The following KCNIP4 variants were observed in gnomAD, a reference collection of about 807,000 sequenced individuals.
KCNIP4 encodes Kv channel-interacting protein 4.
Under a neutral mutation model 34.0 loss-of-function variants are expected in KCNIP4, and 12 were observed. The ratio of observed to expected loss-of-function variants is 0.35; its 90% confidence interval spans 0.23 to 0.57. The LOEUF is 0.57. Among genes scored for constraint, KCNIP4 ranks in the 20% least tolerant of loss-of-function variants. KCNIP4 has a pLI of 0.83. For missense variants in KCNIP4, 238 were observed against 311.7 expected (o/e 0.76, Z 1.78); for synonymous variants, 124 against 102.2 (o/e 1.21, Z -1.29).
intron 1 of KCNIP4, among the ~76,000 whole-genome samples, chr4:21,107,785 G>A (rs1748719834): frequency 6.6e-6 from 1 of 151,342 alleles, no homozygotes; most frequent in Admixed American, 6.6e-5. Flanking sequence ...GCTCTTTTAG[G>A]GCAGGCCTGG....
intron 1 of KCNIP4, among the ~76,000 whole-genome samples, chr4:21,265,559 T>A (rs1221747426): frequency 6.6e-6 from 1 of 152,152 alleles, no homozygotes; most frequent in Non-Finnish European, 1.5e-5. Context: ...TAATGAACTA[T>A]CACTGGAAAG....
At chr4:21,101,606 T>A (rs955433518) in intron 1 of KCNIP4, among the ~76,000 whole-genome samples, 2 of 152,128 alleles carry the variant, frequency 1.3e-5, no homozygotes, top group African/African-American at 2.4e-5. Context: ...AGAGTGTCAA[T>A]GGGAGTGACT....
intron 1 of KCNIP4, among the ~76,000 whole-genome samples, chr4:20,992,984 T>A (rs1737216805): frequency 7.7e-6 from 1 of 129,960 alleles, no homozygotes. Context: ...GCCGAGATCA[T>A]GCCACTGCAC....
At chr4:21,116,421 C>T (rs1438422845) in intron 1 of KCNIP4, among the ~76,000 whole-genome samples, 1 of 152,148 alleles carries the variant, frequency 6.6e-6, no homozygotes, top group South Asian at 2.1e-4. Context: ...CTTTTGCAGG[C>T]AGAGATCATC....
rs1006607540 is a variant in KCNIP4 at position 21,405,208 on chromosome 4, C to G, written c.62-522499G>C. Among the ~76,000 whole-genome samples, 12 of 152,210 alleles carry G rather than the reference C, an allele frequency of 7.9e-5. No individual in the cohort carries two copies. The East Asian group carries it at 1.7e-3, about 22-fold the overall frequency. ...TCCGTCCACTAACATGTCACCTAAC[C>G]CTGGCTCCTTAAATCTAAATCCCCA... is the stretch of plus-strand genomic sequence containing the variant. On this transcript the variant is annotated intron_variant, in intron 1 of 8. Coordinates refer to ENST00000382152, the MANE Select transcript of KCNIP4 (RefSeq NM_025221.6).
rs1560479390 is a variant in KCNIP4, at chr4:21,519,425, C to CATATGTGTGTATATGTATGTGTATATAT, written c.61+429145_61+429146insATATATACACATACATATACACACATAT. ...GTGTGTATATGTATGTGTATATATA[C>CATATGTGTGTATATGTATGTGTATATAT]ACATATGTGTGTATATGTATGTGTA... is the stretch of plus-strand genomic sequence containing the variant. On this transcript the variant is annotated intron_variant, in intron 1 of 8. Transcript: ENST00000382152. Among the ~76,000 whole-genome samples, 308 of 87,574 alleles carry CATATGTGTGTATATGTATGTGTATATAT rather than the reference C, an allele frequency of 3.5e-3. 25 individuals are homozygous for CATATGTGTGTATATGTATGTGTATATAT. The highest frequency in any genetic ancestry group is 5.8e-3 in the African/African-American group (164 of 28,094). The allele number at this position is 87,574 out of a possible 152,430, so 57.5% of individuals were successfully genotyped here.
chr4:21,070,382 G>A (rs1217089771), intron 1 of KCNIP4, among the ~76,000 whole-genome samples: 2 of 145,144 alleles, frequency 1.4e-5, no homozygotes, highest in Non-Finnish European at 3.1e-5. Context: ...GTAACTGTAT[G>A]TTTAGATTTT....
intron 1 of KCNIP4, among the ~76,000 whole-genome samples, chr4:21,881,993 G>C (rs1370066712): frequency 6.6e-6 from 1 of 152,092 alleles, no homozygotes; most frequent in Non-Finnish European, 1.5e-5. Context: ...ACACAAACTG[G>C]GAAGGATCAA....
chr4:21,708,704 A>G (rs1713481912), intron 1 of KCNIP4, among the ~76,000 whole-genome samples: 1 of 152,114 alleles, frequency 6.6e-6, no homozygotes, highest in Non-Finnish European at 1.5e-5. Flanking sequence ...CCTCATTTTC[A>G]GTTATATCAA....
At chr4:21,923,151 T>C (rs1729027565) in intron 1 of KCNIP4, among the ~76,000 whole-genome samples, 2 of 152,208 alleles carry the variant, frequency 1.3e-5, no homozygotes, top group African/African-American at 2.4e-5. Context: ...CCATGTCCCA[T>C]GGCTTCCCAT....
intron 1 of KCNIP4, among the ~76,000 whole-genome samples, chr4:21,934,916 AG>A (rs1236916512): frequency 2.0e-5 from 3 of 152,148 alleles, no homozygotes; most frequent in African/African-American, 7.2e-5. Flanking sequence ...GTATTCCTCT[AG>A]CACCCCAAAT....
chr4:20,904,038 G>A lies in KCNIP4; in HGVS notation c.62-21329C>T, dbSNP rs150722640. 2.9e-3 allele frequency among the ~76,000 whole-genome samples: 446 copies of A among 152,096 alleles called. 5 individuals carry two copies. Among genetic ancestry groups the A allele is most frequent in the African/African-American group, 0.01 (430 of 41,492 alleles). ...TAAAAGCAGTGTTTTAAAGAATGGC[G>A]TTTACCCACTGAGCTAATTTTCCTC... On this transcript the variant is annotated intron_variant, in intron 1 of 8. Coordinates refer to ENST00000382152, the MANE Select transcript of KCNIP4 (RefSeq NM_025221.6).
At chr4:21,396,596 A>G (rs959233605) in intron 1 of KCNIP4, among the ~76,000 whole-genome samples, 6 of 149,804 alleles carry the variant, frequency 4.0e-5, no homozygotes, top group Admixed American at 2.0e-4. Flanking sequence ...AAGTAGAGAG[A>G]TAAACTATCA....
chr4:21,312,632 T>C (rs546169785), intron 1 of KCNIP4, among the ~76,000 whole-genome samples: 1 of 152,366 alleles, frequency 6.6e-6, no homozygotes, highest in Admixed American at 6.5e-5. Context: ...GTAAGGCATT[T>C]TAAACAGATT....
intron 1 of KCNIP4, among the ~76,000 whole-genome samples, chr4:21,415,153 A>G (rs1298360205): frequency 6.6e-6 from 1 of 152,066 alleles, no homozygotes; most frequent in African/African-American, 2.4e-5. Flanking sequence ...ACTCTATTTG[A>G]AGGAGTCTTA....
intron 1 of KCNIP4, among the ~76,000 whole-genome samples, chr4:20,988,876 C>A (rs1736830470): frequency 6.6e-6 from 1 of 152,190 alleles, no homozygotes; most frequent in Non-Finnish European, 1.5e-5. Flanking sequence ...CCCTTCTGCT[C>A]TCCTGTATGA....
chr4:21,280,459 T>C (rs1762709428), intron 1 of KCNIP4, among the ~76,000 whole-genome samples: 1 of 152,132 alleles, frequency 6.6e-6, no homozygotes, highest in South Asian at 2.1e-4. Context: ...CCACTCTAAT[T>C]TGCACCATCA....
intron 1 of KCNIP4, among the ~76,000 whole-genome samples, chr4:21,817,300 A>C (rs927151905): frequency 6.6e-6 from 1 of 152,106 alleles, no homozygotes; most frequent in African/African-American, 2.4e-5. Flanking sequence ...AATTTCTTAC[A>C]CCTGTCTTTA....
At chr4:21,265,270 G>C (rs1256100934) in intron 1 of KCNIP4, among the ~76,000 whole-genome samples, 1 of 152,128 alleles carries the variant, frequency 6.6e-6, no homozygotes, top group East Asian at 1.9e-4. Flanking sequence ...ACCTGAATGT[G>C]TTTGCATAAG....
Sources: allele counts gnomAD v4.1 joint callset (sites outside exome capture counted in the v4.1 genomes callset), GRCh38; gene constraint gnomAD v4.1.1; transcripts MANE v1.5; gene names NCBI Gene and HGNC (gene_info 2026-07-23, HGNC 2026-07-21).